The following DNASE1L1 variants were observed in gnomAD, a reference collection of about 807,000 sequenced individuals.
DNASE1L1 encodes the protein deoxyribonuclease-1-like 1.
Under a neutral mutation model 18.6 loss-of-function variants are expected in DNASE1L1, and 8 were observed. The observed-to-expected ratio is 0.43, with a 90% confidence interval of 0.25 to 0.78. The LOEUF (loss-of-function observed/expected upper bound fraction) is 0.78. Among genes scored for constraint, DNASE1L1 ranks in the 30% least tolerant of loss-of-function variants. The pLI is 0.23. For synonymous variants in DNASE1L1, 114 were observed against 114.2 expected, an observed-to-expected ratio of 1.00 and a Z score of 0.01; for missense variants, 214 against 258.2, an observed-to-expected ratio of 0.83 and a Z score of 1.17.
Position 154,405,705 on chromosome X carries a change from C to T in DNASE1L1, c.-87-50G>A, listed in dbSNP as rs1336120972. On this transcript the variant is annotated intron_variant, in intron 1 of 7. Coordinates refer to ENST00000369807, the MANE Select transcript of DNASE1L1 (RefSeq NM_001303620.2). ...GCACTAGCTGCTGCCCAGCACCAGC[C>T]TCCCAGTGACCTCCCGAGATCATAC... The T allele has an allele frequency of 6.8e-6, 4 of 586,959 alleles. No homozygotes were observed. In the African/African-American group the frequency reaches 7.2e-5, roughly 11 times the overall value. 48.4% of individuals were successfully genotyped at this position (586,959 alleles called of 1,213,427 possible).
In DNASE1L1 at chrX:154,402,242, A is replaced by G. The variant is rs994065652; in HGVS notation, c.*465T>C. 7.7e-6 allele frequency: 1 copy of G among 129,186 alleles called. No individual in the cohort carries two copies. Among genetic ancestry groups the G allele is most frequent in the African/African-American group, 3.2e-5 (1 of 31,164 alleles). The allele number at this position is 129,186 out of a possible 1,213,427, so 10.6% of individuals were successfully genotyped here. On this transcript the variant is annotated 3_prime_UTR_variant, in exon 8 of 8. Transcript: ENST00000369807. The stretch of plus-strand genomic sequence containing the variant: ...GCTGGTTTCAGGGAAGGAGTTTGAT[A>G]TAGCAGATTAACCACCCTCCTTGTA...
chrX:154,403,818 C>T (rs1569552417), intron 4 of DNASE1L1, 196 bp from the exon 5 acceptor site: 4 of 429,684 alleles, frequency 9.3e-6, no homozygotes, highest in South Asian at 3.5e-5. Context: ...GTATACAACA[C>T]GGTTCTTTTG....
chrX:154,402,735 A>C lies in DNASE1L1; in HGVS notation c.881T>G (p.Leu294Arg). Residue 294 changes from leucine (L) to arginine (R), a missense_variant, in exon 8 of 8, where the codon CTG becomes CGG. Coordinates refer to ENST00000369807, the MANE Select transcript of DNASE1L1 (RefSeq NM_001303620.2). ...SLTVLLLLSL[L>R]SPQLCPAA is the part of the protein sequence containing the mutation. Reference sequence around the variant, plus strand: ...GGCAGCAGGGCACAGCTGAGGGGACAGGAGTGATAGCAGCAACAGAACAGT... The same window carrying C: ...GGCAGCAGGGCACAGCTGAGGGGACCGGAGTGATAGCAGCAACAGAACAGT... 2 of 1,211,339 alleles carry C rather than the reference A, an allele frequency of 1.7e-6. No homozygotes were observed. Among genetic ancestry groups the C allele is most frequent in the Non-Finnish European group, 2.2e-6 (2 of 895,207 alleles).
Position 154,401,737 on chromosome X carries a change from A to G in DNASE1L1, c.*970T>C, listed in dbSNP as rs1483453291. 5.4e-5 allele frequency: 6 copies of G among 111,935 alleles called. No homozygotes were observed. The highest frequency in any genetic ancestry group is 1.1e-4 in the Non-Finnish European group (6 of 53,102). The allele number at this position is 111,935 out of a possible 1,213,427, so 9.2% of individuals were successfully genotyped here. ...CCCAAAAGGCCTCTGGTTTTTTGTA[A>G]TCTCAGTTTACAGCCATTTCTTAGG... On this transcript the variant is annotated 3_prime_UTR_variant, in exon 8 of 8. Coordinates refer to ENST00000369807, the MANE Select transcript of DNASE1L1 (RefSeq NM_001303620.2).
upstream of DNASE1L1, among the ~76,000 whole-genome samples, chrX:154,411,232 A>G (rs1182117388): frequency 9.2e-6 from 1 of 108,389 alleles, no homozygotes; most frequent in African/African-American, 3.4e-5. Flanking sequence ...TCAGAGTGTG[A>G]TGGCGGGCGC....
At chrX:154,405,201 C>T (rs782531274) in intron 2 of DNASE1L1, 118 bp from the exon 3 acceptor site, 7 of 845,948 alleles carry the variant, frequency 8.3e-6, no homozygotes, top group Non-Finnish European at 1.1e-5. Context: ...GACTGCAGCC[C>T]ACAGAAAGCA....
At chrX:154,411,333 A>T (rs1445906972), upstream of DNASE1L1, among the ~76,000 whole-genome samples, 1 of 111,761 alleles carries the variant, frequency 8.9e-6, no homozygotes, top group Non-Finnish European at 1.9e-5. Flanking sequence ...CCATCACTGC[A>T]CTCCAGCCTG....
chrX:154,411,121 T>TA (rs2068272210), upstream of DNASE1L1, among the ~76,000 whole-genome samples: 1 of 112,174 alleles, frequency 8.9e-6, no homozygotes, highest in Non-Finnish European at 1.9e-5. Flanking sequence ...TACATACACA[T>TA]AGTATCATGT....
rs782179803 is a variant in DNASE1L1, at chrX:154,405,503, G to A, written c.66C>T (p.Cys22=). Residue 22 remains cysteine (C), a synonymous_variant, in exon 2 of 8, where the codon TGC becomes TGT. Coordinates refer to ENST00000369807, the MANE Select transcript of DNASE1L1 (RefSeq NM_001303620.2). Reference sequence around the variant, plus strand: ...GTGTCAGCCGCTGGGCATTGAAGGCGCAGATGCGAAAGGCCTGGGCCCCAT... The same window carrying A: ...GTGTCAGCCGCTGGGCATTGAAGGCACAGATGCGAAAGGCCTGGGCCCCAT... ...LANGAQAFRI[C]AFNAQRLTLA... The A allele has an allele frequency of 2.6e-5, 31 of 1,203,403 alleles. No individual in the cohort carries two copies. In the East Asian group the frequency reaches 4.2e-4, roughly 16 times the overall value.
At chrX:154,408,341 T>A (rs1442510706) in intron 1 of DNASE1L1, among the ~76,000 whole-genome samples, 1 of 112,247 alleles carries the variant, frequency 8.9e-6, no homozygotes, top group Admixed American at 9.5e-5. Flanking sequence ...TCTTCGTTCA[T>A]CTCTGTCTCC....
intron 1 of DNASE1L1, among the ~76,000 whole-genome samples, 182 bp from the exon 2 acceptor site, chrX:154,405,837 T>G (rs1443623048): frequency 9.2e-6 from 1 of 108,961 alleles, no homozygotes; most frequent in African/African-American, 3.3e-5. Context: ...ATCGCACCAC[T>G]GCACTCCAGC....
At chrX:154,407,267 C>G (rs2031588512) in intron 1 of DNASE1L1, among the ~76,000 whole-genome samples, 1 of 70,818 alleles carries the variant, frequency 1.4e-5, no homozygotes, top group Admixed American at 2.3e-4. Flanking sequence ...GAGACAGAGT[C>G]TCACTCTGTC....
In DNASE1L1 at chrX:154,401,322, C is replaced by T. The variant is rs17423; in HGVS notation, c.*1385G>A. On this transcript the variant is annotated 3_prime_UTR_variant, in exon 8 of 8. Transcript: ENST00000369807. ...GCTTGTTCTCACCCATCTGGTTTGGCCATTCCTCCTTGGTGGGAATCATCC... is the reference window on the plus strand; with the variant it reads ...GCTTGTTCTCACCCATCTGGTTTGGTCATTCCTCCTTGGTGGGAATCATCC... 283 of 189,129 alleles carry T rather than the reference C, an allele frequency of 1.5e-3. No individual in the cohort carries two copies. The highest frequency in any genetic ancestry group is 2.3e-3 in the Non-Finnish European group (233 of 101,422). The allele number at this position is 189,129 out of a possible 1,213,427, so 15.6% of individuals were successfully genotyped here. A position where few individuals can be genotyped will look rare whatever the true frequency, so the allele number is the denominator to read the frequency against.
chrX:154,407,530 C>T (rs782512104), intron 1 of DNASE1L1, among the ~76,000 whole-genome samples: 2 of 105,076 alleles, frequency 1.9e-5, no homozygotes, highest in South Asian at 4.3e-4. Context: ...TGAGCCACTG[C>T]GCCCAGCCAG....
chrX:154,409,135 A>G lies in DNASE1L1; in HGVS notation c.-111T>C, dbSNP rs782273504. On this transcript the variant is annotated 5_prime_UTR_variant, in exon 1 of 8. Transcript: ENST00000369807. ...ACCTGCTCAGACCAGCTTGTCACCA[A>G]GTCTGCCTCATCCTTAAGTGGATCG... 1.7e-3 allele frequency: 580 copies of G among 340,548 alleles called. 2 individuals are homozygous for G. Among genetic ancestry groups the G allele is most frequent in the Non-Finnish European group, 1.8e-3 (302 of 169,517 alleles). 28.1% of individuals were successfully genotyped at this position (340,548 alleles called of 1,213,427 possible).
chrX:154,402,936 C>T lies in DNASE1L1; in HGVS notation c.774+6G>A, dbSNP rs374625983. ...CTCCCTCCTCATGCCAGCCCCATCC[C>T]TTCACCTCCTCCTCGGTGAGCTGGA... On this transcript the variant is annotated splice_donor_region_variant and intron_variant, in intron 7 of 7. Transcript: ENST00000369807. 7.9e-5 allele frequency: 96 copies of T among 1,208,336 alleles called. No homozygotes were observed. The East Asian group carries it at 2.0e-3, about 25-fold the overall frequency.
upstream of DNASE1L1, chrX:154,411,439 T>C (rs1382152334): frequency 1.5e-5 from 3 of 202,941 alleles, no homozygotes; most frequent in East Asian, 6.8e-4. Context: ...CCCCACGGGG[T>C]GACGGCCACT....
rs1267552040 is a variant in DNASE1L1 at position 154,402,183 on chromosome X, G to C, written c.*524C>G. 1 of 122,719 alleles carries C rather than the reference G, an allele frequency of 8.1e-6. No homozygotes were observed. Among genetic ancestry groups the C allele is most frequent in the African/African-American group, 3.2e-5 (1 of 30,957 alleles). The allele number at this position is 122,719 out of a possible 1,213,427, so 10.1% of individuals were successfully genotyped here. On this transcript the variant is annotated 3_prime_UTR_variant, in exon 8 of 8. Transcript: ENST00000369807. ...AACAGGCCTGACTGCATTGTTCACC[G>C]GATTATAATGAGCCAAAATGTTTCC... is the stretch of plus-strand genomic sequence containing the variant.
chrX:154,406,230 A>C (rs1052511101), intron 1 of DNASE1L1, among the ~76,000 whole-genome samples: 2 of 110,472 alleles, frequency 1.8e-5, no homozygotes, highest in African/African-American at 6.6e-5. Flanking sequence ...TCGGCCTCCC[A>C]AAATGCTGGG....
Sources: gnomAD v4.1 joint callset for allele counts (sites outside exome capture counted in the v4.1 genomes callset) on GRCh38, gnomAD v4.1.1 for gene constraint, MANE v1.5 for transcripts, NCBI Gene and HGNC (gene_info 2026-07-23, HGNC 2026-07-21) for gene names.